APP: variants seen among roughly 807,000 people sequenced by gnomAD.
APP encodes the protein amyloid-beta precursor protein.
Under a neutral mutation model 101.4 loss-of-function variants are expected in APP, and 31 were observed. The ratio of observed to expected loss-of-function variants is 0.31; its 90% CI spans 0.23 to 0.41. The LOEUF (loss-of-function observed/expected upper bound fraction) is 0.41, where lower values mean the gene tolerates loss of function less well. Ranked by LOEUF, APP falls within the 10% of genes least tolerant of loss-of-function variation. The pLI is 1.00. For synonymous variants in APP, 366 were observed against 364.4 expected (o/e 1.00, Z -0.05); for missense variants, 839 against 1,003.7 (o/e 0.84, Z 2.22).
intron 1 of APP, among the ~76,000 whole-genome samples, chr21:26,135,567 C>G (rs2062878290): frequency 6.6e-6 from 1 of 152,138 alleles, no homozygotes. Context: ...AGGACAAATG[C>G]AAATTATATA....
At chr21:26,035,593 T>G (rs902402410) in intron 5 of APP, among the ~76,000 whole-genome samples, 1 of 152,198 alleles carries the variant, frequency 6.6e-6, no homozygotes, top group South Asian at 2.1e-4. Flanking sequence ...AAGGCTTCAT[T>G]GTTTTCTCTC....
intron 14 of APP, among the ~76,000 whole-genome samples, chr21:25,910,144 A>T (rs781255589): frequency 2.6e-5 from 4 of 152,002 alleles, no homozygotes; most frequent in East Asian, 1.9e-4. Context: ...TATTTTTTTT[A>T]AATTTAAAGT....
At chr21:26,095,870 C>A (rs1394443125) in intron 2 of APP, among the ~76,000 whole-genome samples, 3 of 152,212 alleles carry the variant, frequency 2.0e-5, no homozygotes, top group Non-Finnish European at 2.9e-5. Context: ...AACTCTCATA[C>A]TCCCCTTCTT....
At chr21:26,017,862 C>G (rs2044171000) in intron 6 of APP, among the ~76,000 whole-genome samples, 1 of 152,150 alleles carries the variant, frequency 6.6e-6, no homozygotes, top group South Asian at 2.1e-4. Context: ...GACCAATAAC[C>G]AATAATATCC....
chr21:25,967,681 T>G (rs2041846728), intron 11 of APP, among the ~76,000 whole-genome samples: 1 of 152,218 alleles, frequency 6.6e-6, no homozygotes, highest in South Asian at 2.1e-4. Context: ...TATCATCATC[T>G]TCTGTCTATG....
chr21:26,095,572 G>A (rs1159085352), intron 2 of APP, among the ~76,000 whole-genome samples: 2 of 152,166 alleles, frequency 1.3e-5, no homozygotes, highest in African/African-American at 4.8e-5. Context: ...TCACAGGTAT[G>A]TACCTATAGG....
At chr21:26,074,683 G>T (rs1004171017) in intron 3 of APP, among the ~76,000 whole-genome samples, 2 of 152,070 alleles carry the variant, frequency 1.3e-5, no homozygotes, top group African/African-American at 4.8e-5. Flanking sequence ...CCCGGGAGGC[G>T]GAGGTTGCAG....
chr21:25,904,826 T>C (rs1031992606), intron 15 of APP, among the ~76,000 whole-genome samples, 198 bp downstream of exon 15: 9 of 151,874 alleles, frequency 5.9e-5, no homozygotes, highest in Non-Finnish European at 7.4e-5. Context: ...ACAAAAAAAA[T>C]CATTTCACTC....
At chr21:25,887,349 T>A (rs916090118) in intron 17 of APP, among the ~76,000 whole-genome samples, 4 of 152,008 alleles carry the variant, frequency 2.6e-5, no homozygotes, top group African/African-American at 9.7e-5. Flanking sequence ...TATTCTGACA[T>A]GGAGGGCACA....
At position 25,966,586 on chromosome 21, in the gene APP, C is replaced by G. The variant is rs140847814; in HGVS notation, c.1458+8484G>C. 2.2e-3 allele frequency among the ~76,000 whole-genome samples: 330 copies of G among 152,246 alleles called. 1 individual carries two copies. Among genetic ancestry groups the G allele is most frequent in the African/African-American group, 7.6e-3 (317 of 41,540 alleles). Reference sequence around the variant, plus strand: ...ATCTGTCCACATACCAAGAACTCAGCAAATAATTTTTAACTTACTATCAGT... The same window carrying G: ...ATCTGTCCACATACCAAGAACTCAGGAAATAATTTTTAACTTACTATCAGT... On this transcript the variant is annotated intron_variant, in intron 11 of 17. Coordinates refer to ENST00000346798, the MANE Select transcript of APP (RefSeq NM_000484.4).
At chr21:26,067,171 T>A (rs1484412915) in intron 3 of APP, among the ~76,000 whole-genome samples, 1 of 152,234 alleles carries the variant, frequency 6.6e-6, no homozygotes, top group Non-Finnish European at 1.5e-5. Flanking sequence ...GTAAAATTAA[T>A]TTTATTAATA....
intron 3 of APP, among the ~76,000 whole-genome samples, chr21:26,083,356 T>A (rs973023500): frequency 6.6e-6 from 1 of 152,232 alleles, no homozygotes; most frequent in African/African-American, 2.4e-5. Context: ...TTAAAAATTA[T>A]GCTCTCCAAG....
chr21:25,881,667 G>A lies in APP; in HGVS notation c.*3C>T, dbSNP rs769101415. 6.2e-7 allele frequency: 1 copy of A among 1,613,468 alleles called. No homozygotes were observed. Among genetic ancestry groups the A allele is most frequent in the Non-Finnish European group, 8.5e-7 (1 of 1,179,572 alleles). ...CAACTTCAGAGGCTGCTGTGGCGGG[G>A]GTCTAGTTCTGCATCTGCTCAAAGA... On this transcript the variant is annotated 3_prime_UTR_variant, in exon 18 of 18. Transcript: ENST00000346798.
intron 5 of APP, among the ~76,000 whole-genome samples, chr21:26,034,950 G>T (rs1239415988): frequency 1.2e-4 from 18 of 152,032 alleles, no homozygotes; most frequent in Admixed American, 1.2e-3. Context: ...TAAATAGGCT[G>T]CTAGGATTGA....
At chr21:26,017,218 A>AAAAAAAAAAAAAAAAAAAAC in intron 6 of APP, among the ~76,000 whole-genome samples, 1 of 149,364 alleles carries the variant, frequency 6.7e-6, no homozygotes, top group Non-Finnish European at 1.5e-5. Context: ...AAAAAAAAAA[A>AAAAAAAAAAAAAAAAAAAAC]TTCTTGGCCT....
At chr21:26,086,562 T>TA (rs5843205) in intron 3 of APP, among the ~76,000 whole-genome samples, 135,873 of 149,256 alleles carry the variant, frequency 0.91, 61,835 homozygotes, top group Non-Finnish European at 0.93. Context: ...GCTAGGTCAG[T>TA]AAAAAAAAAA....
intron 3 of APP, among the ~76,000 whole-genome samples, chr21:26,061,585 A>C (rs768064427): frequency 3.9e-5 from 6 of 152,246 alleles, no homozygotes; most frequent in Non-Finnish European, 8.8e-5. Flanking sequence ...TCCATGTGAT[A>C]AAACTGTTAT....
At chr21:25,967,202 C>T (rs1247952587) in intron 11 of APP, among the ~76,000 whole-genome samples, 1 of 152,054 alleles carries the variant, frequency 6.6e-6, no homozygotes, top group Non-Finnish European at 1.5e-5. Context: ...AAACTGCCAA[C>T]ATTTTTTTTT....
At position 26,152,284 on chromosome 21, in the gene APP, C is replaced by CAAAAAAAAAAAA. The variant is rs1161739630; in HGVS notation, c.57+18268_57+18279dup. Among the ~76,000 whole-genome samples the CAAAAAAAAAAAA allele has an allele frequency of 3.9e-3, 140 of 36,154 alleles. 14 individuals carry two copies. Among genetic ancestry groups the CAAAAAAAAAAAA allele is most frequent in the African/African-American group, 0.015 (101 of 6,798 alleles). The allele number at this position is 36,154 out of a possible 152,430, so 23.7% of individuals were successfully genotyped here. A position where few individuals can be genotyped will look rare whatever the true frequency, so the allele number is the denominator to read the frequency against. The stretch of plus-strand genomic sequence containing the variant: ...TGGGCGACAGAGCAAGACTCCATCT[C>CAAAAAAAAAAAA]AAAAAAAAAAAAAAAAAAAAAAATG... On this transcript the variant is annotated intron_variant, in intron 1 of 17. Coordinates refer to ENST00000346798, the MANE Select transcript of APP (RefSeq NM_000484.4).
Sources: gnomAD v4.1 joint callset for allele counts (sites outside exome capture counted in the v4.1 genomes callset) on GRCh38, gnomAD v4.1.1 for gene constraint, MANE v1.5 for transcripts, NCBI Gene and HGNC (gene_info 2026-07-23, HGNC 2026-07-21) for gene names.